FABP6: variants seen among roughly 807,000 people sequenced by gnomAD.
FABP6 encodes the protein gastrotropin.
Under a neutral mutation model 14.9 loss-of-function variants are expected in FABP6, and 13 were observed. That is an observed-to-expected ratio of 0.87 (90% confidence interval 0.57 to 1.39). FABP6 has a LOEUF of 1.39. Ranked by LOEUF, FABP6 falls within the 40% of genes most tolerant of loss-of-function variation. The pLI is 0.00. For missense variants in FABP6, 161 were observed against 167.2 expected (o/e 0.96, Z 0.20); for synonymous variants, 75 against 63.6 (o/e 1.18, Z -0.85).
rs1382429095 is a variant in FABP6 at position 160,234,923 on chromosome 5, T to A, written c.333+14T>A. 1 of 1,605,798 alleles carries A rather than the reference T, an allele frequency of 6.2e-7. No homozygotes were observed. The highest frequency in any genetic ancestry group is 8.5e-7 in the Non-Finnish European group (1 of 1,174,710). On this transcript the variant is annotated intron_variant, in intron 3 of 3. Transcript: ENST00000402432. ...AAGCTGGTGGAGGTGAGTGTCATGC[T>A]GATTCCTGGGATGATTATTGGATAT...
upstream of FABP6, among the ~76,000 whole-genome samples, chr5:160,226,630 T>G (rs1760253950): frequency 6.6e-6 from 1 of 152,174 alleles, no homozygotes; most frequent in Non-Finnish European, 1.5e-5. Context: ...AACCTCTGTT[T>G]GCTCCTAGGT....
At chr5:160,224,234 T>A (rs1177451769) in intron 3 of FABP6, among the ~76,000 whole-genome samples, 1 of 151,708 alleles carries the variant, frequency 6.6e-6, no homozygotes, top group African/African-American at 2.4e-5. Context: ...AGACTCCATC[T>A]CAAAAATAAA....
chr5:160,195,692 C>T (rs142677784), intron 1 of FABP6: 25 of 152,380 alleles, frequency 1.6e-4, no homozygotes, highest in African/African-American at 5.5e-4. Flanking sequence ...CCACTTGCCT[C>T]GGCCTCCTAA....
chr5:160,233,774 G>C (rs540301968), intron 2 of FABP6, among the ~76,000 whole-genome samples: 2 of 152,162 alleles, frequency 1.3e-5, no homozygotes, highest in African/African-American at 4.8e-5. Flanking sequence ...TCGGGAGGCT[G>C]AGGCAGGAGA....
Position 160,190,871 on chromosome 5 carries a change from C to T in FABP6, c.-59+3417C>T, listed in dbSNP as rs529749242. On this transcript the variant is annotated intron_variant, in intron 1 of 6. Transcript: ENST00000393980. Reference sequence around the variant, plus strand: ...CTCATGCCCATAATCCCAGCACTTTCGGAGGCCGAGGCGGGCGGATCATGA... The same window carrying T: ...CTCATGCCCATAATCCCAGCACTTTTGGAGGCCGAGGCGGGCGGATCATGA... Among the ~76,000 whole-genome samples, 161 of 151,512 alleles carry T rather than the reference C, an allele frequency of 1.1e-3. 1 individual carries two copies. The highest frequency in any genetic ancestry group is 2.0e-3 in the Non-Finnish European group (135 of 67,908).
chr5:160,234,742 T>C, intron 2 of FABP6, 78 bp from the exon 3 acceptor site: 2 of 1,179,176 alleles, frequency 1.7e-6, no homozygotes, highest in Non-Finnish European at 2.4e-6. Context: ...AAATTCTTCT[T>C]ACTGCCCGCG....
chr5:160,192,999 T>G (rs182136613), intron 1 of FABP6, among the ~76,000 whole-genome samples: 182 of 152,328 alleles, frequency 1.2e-3, no homozygotes, highest in African/African-American at 4.3e-3. Context: ...TAGTCTGAAC[T>G]ACTTGGGAAG....
At chr5:160,213,174 G>A (rs1450155093) in intron 2 of FABP6, among the ~76,000 whole-genome samples, 2 of 152,170 alleles carry the variant, frequency 1.3e-5, no homozygotes, top group Non-Finnish European at 2.9e-5. Flanking sequence ...TCTATGTTTA[G>A]AGAACTTTCC....
At chr5:160,222,224 C>T (rs1409279700) in intron 3 of FABP6, among the ~76,000 whole-genome samples, 1 of 151,710 alleles carries the variant, frequency 6.6e-6, no homozygotes. Context: ...TCCAAAGTAG[C>T]TGGTACCATA....
At chr5:160,212,398 C>T (rs1187202338) in intron 2 of FABP6, among the ~76,000 whole-genome samples, 4 of 152,146 alleles carry the variant, frequency 2.6e-5, no homozygotes, top group African/African-American at 9.7e-5. Context: ...TCATGACCTG[C>T]CCATCTCAGC....
chr5:160,207,723 CT>C (rs139123590), intron 2 of FABP6, among the ~76,000 whole-genome samples: 71,031 of 123,996 alleles, frequency 0.57, 18,524 homozygotes, highest in Non-Finnish European at 0.6. Context: ...TCTTTACCTC[CT>C]TTTTTTTTTT....
chr5:160,214,522 C>A (rs995149854), intron 3 of FABP6, among the ~76,000 whole-genome samples: 2 of 150,692 alleles, frequency 1.3e-5, no homozygotes, highest in Non-Finnish European at 3.0e-5. Flanking sequence ...CTGTGTTGCC[C>A]ATGCTGGTCT....
At chr5:160,189,097 T>C (rs1759347104) in intron 1 of FABP6, among the ~76,000 whole-genome samples, 1 of 152,198 alleles carries the variant, frequency 6.6e-6, no homozygotes, top group African/African-American at 2.4e-5. Flanking sequence ...CCACACTCTC[T>C]GTCACAGCTA....
chr5:160,217,128 T>G (rs1433557715), intron 3 of FABP6, among the ~76,000 whole-genome samples: 8 of 152,178 alleles, frequency 5.3e-5, no homozygotes, highest in Admixed American at 5.2e-4. Flanking sequence ...GCATTGCAGG[T>G]CCATGTTAGA....
rs11954722 is a variant in FABP6 at position 160,193,959 on chromosome 5, G to C, written c.-58-5090G>C. 6.4e-3 allele frequency among the ~76,000 whole-genome samples: 982 copies of C among 152,340 alleles called. 10 individuals carry two copies. Among genetic ancestry groups the C allele is most frequent in the African/African-American group, 0.023 (947 of 41,582 alleles). ...CGTGGGGCAGGGGGCGGCGCTCGTC[G>C]GGGAGGCTCGGGCTGCACAGGTGCC... On this transcript the variant is annotated intron_variant, in intron 1 of 6. Coordinates refer to the FABP6 transcript ENST00000393980.
intron 3 of FABP6, among the ~76,000 whole-genome samples, chr5:160,216,236 AATG>A (rs1278337390): frequency 6.6e-6 from 1 of 152,126 alleles, no homozygotes; most frequent in Non-Finnish European, 1.5e-5. Flanking sequence ...GAGTGAATGA[AATG>A]ATGAATATAT....
chr5:160,231,540 C>G (rs745427678), intron 1 of FABP6, among the ~76,000 whole-genome samples: 2 of 152,116 alleles, frequency 1.3e-5, no homozygotes, highest in Non-Finnish European at 2.9e-5. Flanking sequence ...ATTACAGGCA[C>G]CTGCCACCAT....
intron 3 of FABP6, among the ~76,000 whole-genome samples, chr5:160,214,075 T>G (rs1759953791): frequency 6.6e-6 from 1 of 151,780 alleles, no homozygotes; most frequent in Admixed American, 6.6e-5. Flanking sequence ...CTCAAGTAGG[T>G]TTTGCCTGCC....
intron 3 of FABP6, among the ~76,000 whole-genome samples, chr5:160,237,374 CAT>C (rs373289376): frequency 1.3e-5 from 2 of 152,142 alleles, no homozygotes; most frequent in African/African-American, 4.8e-5. Flanking sequence ...GGAACACACA[CAT>C]GTATGCACAT....
Sources: gnomAD v4.1 joint callset for allele counts (sites outside exome capture counted in the v4.1 genomes callset) on GRCh38, gnomAD v4.1.1 for gene constraint, MANE v1.5 for transcripts, NCBI Gene and HGNC (gene_info 2026-07-23, HGNC 2026-07-21) for gene names.